The following URI1 variants were observed in gnomAD, a reference collection of about 807,000 sequenced individuals.
URI1 encodes the protein unconventional prefoldin RPB5 interactor 1.
In URI1, 39 loss-of-function variants were observed where a neutral mutation model predicts 60.2. The ratio of observed to expected loss-of-function variants is 0.65; its 90% CI spans 0.50 to 0.85. The LOEUF is 0.85. Ranked by LOEUF, URI1 falls within the 40% of genes least tolerant of loss-of-function variation. The pLI is 0.00. For synonymous variants in URI1, 251 were observed against 236.8 expected (o/e 1.06, Z -0.55); for missense variants, 691 against 665.9 (o/e 1.04, Z -0.42).
At chr19:29,971,039 A>G (rs1045074086) in intron 1 of URI1, 154 bp from the exon 2 acceptor site, 2 of 688,250 alleles carry the variant, frequency 2.9e-6, no homozygotes, top group African/African-American at 3.6e-5. Flanking sequence ...CTTAAAAACT[A>G]ACGTTCACAT....
intron 4 of URI1, among the ~76,000 whole-genome samples, chr19:29,994,791 T>G (rs2055790732): frequency 6.6e-6 from 1 of 151,554 alleles, no homozygotes; most frequent in African/African-American, 2.4e-5. Flanking sequence ...ATTTTTTTTT[T>G]TTTTTTTGAG....
chr19:29,961,347 A>G (rs528816057), intron 1 of URI1, among the ~76,000 whole-genome samples: 1 of 147,078 alleles, frequency 6.8e-6, no homozygotes, highest in African/African-American at 2.5e-5. Flanking sequence ...CCAGCATTCT[A>G]TTATACTTTT....
chr19:29,935,714 T>TTTTTTTTTTTTTTTTTTTC (rs2054964136), intron 1 of URI1, among the ~76,000 whole-genome samples: 1 of 149,240 alleles, frequency 6.7e-6, no homozygotes, highest in African/African-American at 2.5e-5. Context: ...TTTTTTTTTT[T>TTTTTTTTTTTTTTTTTTTC]CCCCAGGACT....
At chr19:29,966,288 A>G (rs1447331860) in intron 1 of URI1, among the ~76,000 whole-genome samples, 3 of 151,904 alleles carry the variant, frequency 2.0e-5, no homozygotes, top group Non-Finnish European at 4.4e-5. Flanking sequence ...ACAGGCATGC[A>G]CCACCACACC....
At chr19:30,012,555 C>T (rs778417696) in intron 10 of URI1, 24 bp downstream of exon 10, 5 of 1,606,072 alleles carry the variant, frequency 3.1e-6, no homozygotes, top group South Asian at 1.1e-5. Context: ...TCTTTTAATT[C>T]TTTATTTCAT....
At chr19:29,992,622 T>A (rs1194980145) in intron 4 of URI1, among the ~76,000 whole-genome samples, 2 of 152,194 alleles carry the variant, frequency 1.3e-5, no homozygotes, top group East Asian at 3.8e-4. Context: ...ATGTTACAAA[T>A]TAGGGATTAA....
rs1309045827 is a variant in URI1, at chr19:30,014,938, C to T, written c.1477C>T (p.Pro493Ser). The T allele has an allele frequency of 6.2e-7, 1 of 1,613,546 alleles. No individual in the cohort carries two copies. Among genetic ancestry groups the T allele is most frequent in the Non-Finnish European group, 8.5e-7 (1 of 1,179,676 alleles). Residue 493 changes from proline to serine, a missense_variant, in exon 11 of 11, where the codon CCA (proline) becomes TCA (serine). By Grantham distance (74) the Pro-to-Ser change is moderately conservative. Coordinates refer to ENST00000392271, the MANE Select transcript of URI1 (RefSeq NM_003796.3). ...AGAATTTGTATCACCTTCCTTAACACCACCCCCAGCCATTGCTCATCCCGC... is the reference window on the plus strand; with the variant it reads ...AGAATTTGTATCACCTTCCTTAACATCACCCCCAGCCATTGCTCATCCCGC... ...EKEFVSPSLT[P>S]PPAIAHPALP...
intron 1 of URI1, chr19:29,956,929 C>A: frequency 9.4e-7 from 1 of 1,066,924 alleles, no homozygotes; most frequent in Non-Finnish European, 1.4e-6. Context: ...TGCGTCCCTT[C>A]AGAGTAACGT....
In URI1 at chr19:29,963,573, G is replaced by C. The variant is rs141897614; in HGVS notation, c.118-7620G>C. ...CAGTATCTAGATTGCATGTGTGTTT[G>C]GTTCTGTTTTATATATTTTTTCTTT... On this transcript the variant is annotated intron_variant, in intron 1 of 10. Transcript: ENST00000392271. 7.0e-4 allele frequency among the ~76,000 whole-genome samples: 106 copies of C among 152,108 alleles called. 1 individual carries two copies. In the East Asian group the frequency reaches 0.016, roughly 24 times the overall value.
At chr19:30,011,852 A>G (rs1393799995) in intron 9 of URI1, among the ~76,000 whole-genome samples, 2 of 140,258 alleles carry the variant, frequency 1.4e-5, no homozygotes, top group Non-Finnish European at 3.1e-5. Flanking sequence ...GAACAATGAG[A>G]ACACTTGGAC....
chr19:30,011,197 A>G lies in URI1; in HGVS notation c.1139A>G (p.Gln380Arg). 6.2e-7 allele frequency: 1 copy of G among 1,611,136 alleles called. No individual in the cohort carries two copies. The highest frequency in any genetic ancestry group is 2.2e-5 in the East Asian group (1 of 44,666). ...KNSTGSGHSAQELPTIRTPAD... is the reference protein window; with the variant it reads ...KNSTGSGHSARELPTIRTPAD... ...AGCACTGGCAGTGGCCACTCTGCCC[A>G]GGAGCTGCCGACCATCAGGACGCCT... Residue 380 changes from glutamine to arginine, a missense_variant, in exon 9 of 11, where the codon CAG becomes CGG. Gln to Arg is a conservative substitution (Grantham distance 43). Coordinates refer to ENST00000392271, the MANE Select transcript of URI1 (RefSeq NM_003796.3).
At chr19:29,987,040 TACAC>T (rs769963104) in intron 4 of URI1, among the ~76,000 whole-genome samples, 1 of 152,060 alleles carries the variant, frequency 6.6e-6, no homozygotes, top group African/African-American at 2.4e-5. Context: ...GAAGCCTACA[TACAC>T]ACACACAACA....
rs2145461374 is a variant in URI1 at position 30,014,968 on chromosome 19, C to T, written c.1507C>T (p.Pro503Ser). 6.2e-7 allele frequency: 1 copy of T among 1,613,856 alleles called. No homozygotes were observed. Among genetic ancestry groups the T allele is most frequent in the Middle Eastern group, 1.6e-4 (1 of 6,062 alleles). ...PPPAIAHPALPTIPERKEVLL... is the reference protein window; with the variant it reads ...PPPAIAHPALSTIPERKEVLL... ...CCCAGCCATTGCTCATCCCGCACTA[C>T]CCACTATTCCAGAACGAAAGGAAGT... The change falls in exon 11 of 11, where the codon CCC becomes TCC. Residue 503 changes from proline (P) to serine (S), a missense_variant. Physicochemically the swap from Pro to Ser is moderately conservative, Grantham distance 74 (BLOSUM62 -1). Coordinates refer to ENST00000392271, the MANE Select transcript of URI1 (RefSeq NM_003796.3).
rs753197749 is a variant in URI1, at chr19:30,014,907, A to G, written c.1446A>G (p.Ile482Met). The G allele has an allele frequency of 1.2e-6, 2 of 1,612,780 alleles. No individual in the cohort carries two copies. The highest frequency in any genetic ancestry group is 1.7e-6 in the Non-Finnish European group (2 of 1,179,156). The part of the protein sequence containing the change: ...VTPEAFSGTV[I>M]EKEFVSPSLT... ...TCTAGGCTTTTTCTGGAACTGTTAT[A>G]GAAAAAGAATTTGTATCACCTTCCT... The change falls in exon 11 of 11, where the codon ATA (isoleucine) becomes ATG (methionine). Residue 482 changes from isoleucine (I) to methionine (M), a missense_variant. Physicochemically the swap from Ile to Met is conservative, Grantham distance 10. Coordinates refer to ENST00000392271, the MANE Select transcript of URI1 (RefSeq NM_003796.3).
chr19:29,946,067 TC>T (rs56099522), intron 1 of URI1, among the ~76,000 whole-genome samples: 145,244 of 151,822 alleles, frequency 0.96, 69,494 homozygotes, highest in East Asian at 1. Context: ...TTGATTTCCT[TC>T]CCCCCCCCAA....
At chr19:29,958,390 C>T (rs1448378201) in intron 1 of URI1, among the ~76,000 whole-genome samples, 1 of 152,116 alleles carries the variant, frequency 6.6e-6, no homozygotes, top group Non-Finnish European at 1.5e-5. Flanking sequence ...AAAATAAGGA[C>T]ATTTTCTCCT....
upstream of URI1, chr19:29,942,163 G>A (rs2055033130): frequency 1.1e-5 from 11 of 966,394 alleles, no homozygotes; most frequent in Non-Finnish European, 1.2e-5. Flanking sequence ...TCCCCTGGGG[G>A]CGGGGCCTGC....
intron 2 of URI1, among the ~76,000 whole-genome samples, chr19:29,983,514 A>G (rs913830233): frequency 6.6e-6 from 1 of 152,214 alleles, no homozygotes. Context: ...TGTTACCTAC[A>G]TTGCAGTTTA....
At chr19:29,940,963 G>A (rs774978225), upstream of URI1, among the ~76,000 whole-genome samples, 1 of 152,200 alleles carries the variant, frequency 6.6e-6, no homozygotes, top group Non-Finnish European at 1.5e-5. Flanking sequence ...GGTCCTGGCT[G>A]TTCCAGAGGT....
Sources: allele counts gnomAD v4.1 joint callset (sites outside exome capture counted in the v4.1 genomes callset), GRCh38; gene constraint gnomAD v4.1.1; transcripts MANE v1.5; gene names NCBI Gene and HGNC (gene_info 2026-07-23, HGNC 2026-07-21).